MYO19: variants seen among roughly 807,000 people sequenced by gnomAD.
MYO19 encodes myosin XIX.
Under a neutral mutation model 129.2 loss-of-function variants are expected in MYO19, and 132 were observed. That is an observed-to-expected ratio of 1.02 (90% CI 0.89 to 1.18). The LOEUF (loss-of-function observed/expected upper bound fraction) is 1.18, where lower values mean the gene tolerates loss of function less well. Among genes scored for constraint, MYO19 ranks in the 50% most tolerant of loss-of-function variants. MYO19 has a pLI of 0.00. For synonymous variants in MYO19, 531 were observed against 477.2 expected, an observed-to-expected ratio of 1.11 and a Z score of -1.47; for missense variants, 1,210 against 1,216.7, an observed-to-expected ratio of 0.99 and a Z score of 0.08.
chr17:36,512,932 G>C lies in MYO19; in HGVS notation c.894+497C>G, dbSNP rs1443799456. On this transcript the variant is annotated intron_variant, in intron 11 of 25. Transcript: ENST00000614623. Reference sequence around the variant, plus strand: ...GCACGGGTTGGGGGAAGACAGAGAGGGTAGGAACTTGGAATTACTATGTCT... The same window carrying C: ...GCACGGGTTGGGGGAAGACAGAGAGCGTAGGAACTTGGAATTACTATGTCT... 12 of 855,332 alleles carry C rather than the reference G, an allele frequency of 1.4e-5. 1 individual carries two copies. The highest frequency in any genetic ancestry group is 1.2e-4 in the South Asian group (7 of 56,158). 53.0% of individuals were successfully genotyped at this position (855,332 alleles called of 1,614,324 possible). A position where few individuals can be genotyped will look rare whatever the true frequency, so the allele number is the denominator to read the frequency against.
chr17:36,528,134 G>A lies in MYO19; in HGVS notation c.81C>T (p.Phe27=). The A allele has an allele frequency of 1.2e-6, 2 of 1,613,142 alleles. No individual in the cohort carries two copies. Among genetic ancestry groups the A allele is most frequent in the Admixed American group, 1.7e-5 (1 of 59,888 alleles). ...TGTACAGCAGGACCTCCCCACCCAG[G>A]AACTCCTGCAGGTCTTCTCTGAGGT... ...REYLREDLQE[F]LGGEVLLYKL... is the part of the protein sequence containing the mutation. Residue 27 remains phenylalanine (F), a synonymous_variant, in exon 4 of 26, where the codon TTC becomes TTT. Coordinates refer to ENST00000614623, the MANE Select transcript of MYO19 (RefSeq NM_001163735.2).
In MYO19 at chr17:36,507,867, C is replaced by A. The variant is rs1243410324; in HGVS notation, c.1289G>T (p.Cys430Phe). The change falls in exon 15 of 26, where the codon TGC becomes TTC. Residue 430 changes from cysteine to phenylalanine, a missense_variant. Physicochemically the swap from Cys to Phe is radical, Grantham distance 205. Coordinates refer to ENST00000614623, the MANE Select transcript of MYO19 (RefSeq NM_001163735.2). ...CAGCTTCTCATTGGCGTAGTTGATG[C>A]ACAACTGTTCCAGACTGTTGTCAGG... Reference protein sequence around the residue: ...SFPDNSLEQLCINYANEKLQQ... With the variant: ...SFPDNSLEQLFINYANEKLQQ... 1.2e-6 allele frequency: 2 copies of A among 1,613,512 alleles called. No individual in the cohort carries two copies. The highest frequency in any genetic ancestry group is 1.3e-5 in the African/African-American group (1 of 74,922).
At chr17:36,538,309 A>C, upstream of MYO19, 1 of 1,613,594 alleles carries the variant, frequency 6.2e-7, no homozygotes. Context: ...TTTCTAATTA[A>C]AGGAGCTCTA....
At chr17:36,512,194 TAAACACACACAC>T (rs1429758665) in intron 11 of MYO19, among the ~76,000 whole-genome samples, 2 of 70,056 alleles carry the variant, frequency 2.9e-5, no homozygotes, top group East Asian at 3.0e-4. Flanking sequence ...CTACTAAAAA[TAAACACACACAC>T]ACACACACAC....
upstream of MYO19, chr17:36,535,667 A>AT (rs1033283490): frequency 6.6e-6 from 1 of 152,158 alleles, no homozygotes; most frequent in Non-Finnish European, 1.5e-5. Flanking sequence ...TTTTATGTTT[A>AT]TTTTTTAAGA....
chr17:36,527,193 A>C (rs2073524119), intron 5 of MYO19, among the ~76,000 whole-genome samples: 1 of 151,946 alleles, frequency 6.6e-6, no homozygotes, highest in Admixed American at 6.6e-5. Context: ...TAAATAAATA[A>C]TAATAAAAAA....
In MYO19 at chr17:36,496,186, T is replaced by C; in HGVS notation, c.*65A>G. The C allele has an allele frequency of 1.3e-6, 2 of 1,585,352 alleles. No individual in the cohort carries two copies. The highest frequency in any genetic ancestry group is 1.7e-6 in the Non-Finnish European group (2 of 1,158,756). On this transcript the variant is annotated 3_prime_UTR_variant, in exon 26 of 26. Coordinates refer to ENST00000614623, the MANE Select transcript of MYO19 (RefSeq NM_001163735.2). ...TGGGAATAGTCTGGCAGCTGTGTGC[T>C]GATTAAATGTCTTTGGCAAGGCAGG...
At chr17:36,518,916 T>C (rs1474649481) in intron 6 of MYO19, among the ~76,000 whole-genome samples, 7 of 152,192 alleles carry the variant, frequency 4.6e-5, no homozygotes, top group African/African-American at 1.7e-4. Flanking sequence ...GGTGTCTTTG[T>C]TGTTTATTTC....
chr17:36,512,788 T>C (rs1362220199), intron 11 of MYO19: 1 of 1,285,568 alleles, frequency 7.8e-7, no homozygotes, highest in South Asian at 1.2e-5. Flanking sequence ...CTCTAGAGGG[T>C]GAGGAAGATG....
At chr17:36,509,539 G>A (rs2072168848) in intron 13 of MYO19, 1 of 217,306 alleles carries the variant, frequency 4.6e-6, no homozygotes, top group South Asian at 7.5e-5. Flanking sequence ...TCTACCGGTG[G>A]AGCCCAGAGC....
chr17:36,531,349 C>T (rs181612025), intron 3 of MYO19, among the ~76,000 whole-genome samples: 73 of 125,468 alleles, frequency 5.8e-4, no homozygotes, highest in African/African-American at 2.1e-3. Context: ...GAGCCAAGAT[C>T]AAGCCACTAC....
At chr17:36,528,895 G>C (rs527870345) in intron 3 of MYO19, among the ~76,000 whole-genome samples, 3 of 152,264 alleles carry the variant, frequency 2.0e-5, no homozygotes, top group Admixed American at 1.3e-4. Context: ...TAAGGCTATA[G>C]GAATGTTGCA....
rs1181769032 is a variant in MYO19, at chr17:36,496,143, T to C, written c.*108A>G. 1 of 1,426,704 alleles carries C rather than the reference T, an allele frequency of 7.0e-7. No homozygotes were observed. The highest frequency in any genetic ancestry group is 2.3e-5 in the East Asian group (1 of 43,686). The allele number at this position is 1,426,704 out of a possible 1,614,324, so 88.4% of individuals were successfully genotyped here. A position where few individuals can be genotyped will look rare whatever the true frequency, so the allele number is the denominator to read the frequency against. ...AGGCTGGAGCCGTCACTGTTGTTCATGTGCATTTGGAGCACTGTGGGAATA... is the reference window on the plus strand; with the variant it reads ...AGGCTGGAGCCGTCACTGTTGTTCACGTGCATTTGGAGCACTGTGGGAATA... On this transcript the variant is annotated 3_prime_UTR_variant, in exon 26 of 26. Transcript: ENST00000614623.
Position 36,495,726 on chromosome 17 carries a change from G to A in MYO19, c.*525C>T, listed in dbSNP as rs535911723. Reference sequence around the variant, plus strand: ...TCATATGGAGTTAAACTTGGTCAGTGTTAATAAAATCAAAACGTGATTCTA... The same window carrying A: ...TCATATGGAGTTAAACTTGGTCAGTATTAATAAAATCAAAACGTGATTCTA... On this transcript the variant is annotated 3_prime_UTR_variant, in exon 26 of 26. Coordinates refer to ENST00000614623, the MANE Select transcript of MYO19 (RefSeq NM_001163735.2). 16 of 1,247,554 alleles carry A rather than the reference G, an allele frequency of 1.3e-5. No individual in the cohort carries two copies. The highest frequency in any genetic ancestry group is 3.9e-5 in the South Asian group (1 of 25,670). 77.3% of individuals were successfully genotyped at this position (1,247,554 alleles called of 1,614,324 possible).
intron 6 of MYO19, among the ~76,000 whole-genome samples, chr17:36,522,026 TTTAA>T (rs1402996736): frequency 5.2e-5 from 2 of 38,514 alleles, no homozygotes; most frequent in Non-Finnish European, 6.1e-5. Context: ...CAAGACTGTC[TTTAA>T]AAAAAAAAAA....
chr17:36,543,947 T>C (rs778496369), upstream of MYO19, among the ~76,000 whole-genome samples: 9 of 152,202 alleles, frequency 5.9e-5, no homozygotes, highest in Admixed American at 2.6e-4. Context: ...TTTTTAAAGG[T>C]ATCACAGCTC....
intron 3 of MYO19, among the ~76,000 whole-genome samples, chr17:36,528,840 G>A (rs1031865877): frequency 1.3e-5 from 2 of 152,132 alleles, no homozygotes; most frequent in East Asian, 1.9e-4. Flanking sequence ...CAAGAGCTCC[G>A]GCCACTTGCA....
upstream of MYO19, chr17:36,537,738 G>A (rs145283085): frequency 1.9e-5 from 31 of 1,613,934 alleles, no homozygotes; most frequent in Non-Finnish European, 2.5e-5. Flanking sequence ...AGTCTTCCTA[G>A]GAATCGGACG....
At chr17:36,530,604 G>A (rs959756327) in intron 3 of MYO19, among the ~76,000 whole-genome samples, 6 of 149,074 alleles carry the variant, frequency 4.0e-5, no homozygotes, top group East Asian at 2.0e-4. Flanking sequence ...CTACAGGCAC[G>A]CGTAAAAGTG....
Sources: gnomAD v4.1 joint callset for allele counts (sites outside exome capture counted in the v4.1 genomes callset) on GRCh38, gnomAD v4.1.1 for gene constraint, MANE v1.5 for transcripts, NCBI Gene and HGNC (gene_info 2026-07-23, HGNC 2026-07-21) for gene names.